The following PDXDC1 variants were observed in gnomAD, a reference collection of about 807,000 sequenced individuals.
PDXDC1 encodes the protein pyridoxal dependent decarboxylase domain containing 1.
PDXDC1 carries 42 observed loss-of-function variants against 100.1 expected under a neutral mutation model. That is an observed-to-expected ratio of 0.42 (90% confidence interval 0.33 to 0.54). The LOEUF is 0.54. Ranked by LOEUF, PDXDC1 falls within the 20% of genes least tolerant of loss-of-function variation. The pLI, the probability that PDXDC1 is intolerant of heterozygous loss-of-function variation, is 0.10. For synonymous variants in PDXDC1, 260 were observed against 371.7 expected (o/e 0.70, Z 3.46); for missense variants, 636 against 979.2 (o/e 0.65, Z 4.68).
In PDXDC1 at chr16:15,031,905, A is replaced by G; in HGVS notation, c.1570A>G (p.Arg524Gly). The G allele has an allele frequency of 6.2e-7, 1 of 1,602,050 alleles. No homozygotes were observed. Among genetic ancestry groups the G allele is most frequent in the Non-Finnish European group, 8.5e-7 (1 of 1,172,646 alleles). The change falls in exon 17 of 23, where the codon AGG becomes GGG. Residue 524 changes from arginine to glycine, a missense_variant and splice_region_variant. Transcript: ENST00000396410. The part of the protein sequence containing the change: ...DPNWSGIGVV[R>G]YEHANDDKSS... ...TAACTGGTCTGGAATAGGGGTTGTC[A>G]GGTAAAGTCTTGGCCTGCCGCTTGA...
intron 17 of PDXDC1, chr16:15,032,653 T>TAAA: frequency 3.7e-5 from 8 of 215,818 alleles, no homozygotes; most frequent in East Asian, 1.3e-4. Context: ...GACCCTGCTT[T>TAAA]AAAAAAAAAA....
intron 16 of PDXDC1, among the ~76,000 whole-genome samples, chr16:15,129,114 T>TA (rs1219359228): frequency 6.6e-6 from 1 of 151,714 alleles, no homozygotes; most frequent in East Asian, 2.0e-4. Context: ...CGACAGTTTT[T>TA]AAAAGTAGGT....
chr16:15,142,211 G>C (rs1262418251), downstream of PDXDC1, among the ~76,000 whole-genome samples: 1 of 152,112 alleles, frequency 6.6e-6, no homozygotes, highest in Non-Finnish European at 1.5e-5. Flanking sequence ...GCAGGGGTGG[G>C]GGCAGGTCAG....
intron 16 of PDXDC1, chr16:15,086,377 G>A: frequency 4.3e-6 from 7 of 1,613,664 alleles, no homozygotes; most frequent in Non-Finnish European, 5.9e-6. Context: ...ATATAATACT[G>A]ATAAGTTGCT....
intron 16 of PDXDC1, among the ~76,000 whole-genome samples, chr16:15,089,617 G>T (rs1227568610): frequency 6.6e-6 from 1 of 151,314 alleles, no homozygotes; most frequent in African/African-American, 2.4e-5. Flanking sequence ...TGGCTAACAT[G>T]GTGAAACCCC....
chr16:15,094,171 A>C lies in PDXDC1; in HGVS notation c.1400-44708A>C, dbSNP rs3204898. ...CAGTCCTCGACGCGCCCAGCTTCTT[A>C]ACTGCAGAGGACGAAGCGGCCGCAT... is the stretch of plus-strand genomic sequence containing the variant. On this transcript the variant is annotated intron_variant, in intron 16 of 16. Transcript: ENST00000535621. The C allele has an allele frequency of 3.1e-6, 5 of 1,602,510 alleles. No homozygotes were observed. In the South Asian group the frequency reaches 5.6e-5, roughly 18 times the overall value.
the PDXDC1 span, among the ~76,000 whole-genome samples, chr16:15,147,373 A>G: frequency 6.6e-6 from 1 of 152,206 alleles, no homozygotes; most frequent in Admixed American, 6.5e-5. Flanking sequence ...AATCATCACC[A>G]CGGCTTCTCA....
At chr16:14,996,734 G>C (rs1440802325) in intron 1 of PDXDC1, among the ~76,000 whole-genome samples, 5 of 152,278 alleles carry the variant, frequency 3.3e-5, no homozygotes, top group African/African-American at 9.6e-5. Context: ...GCGAGCACTT[G>C]TATTCCCAGG....
At chr16:15,058,021 G>A (rs2044585736) in intron 16 of PDXDC1, among the ~76,000 whole-genome samples, 1 of 152,192 alleles carries the variant, frequency 6.6e-6, no homozygotes, top group African/African-American at 2.4e-5. Context: ...GGAAGCAATA[G>A]CAGGTGTGTG....
intron 14 of PDXDC1, among the ~76,000 whole-genome samples, chr16:15,028,224 G>T (rs2042774785): frequency 6.6e-6 from 1 of 152,280 alleles, no homozygotes; most frequent in South Asian, 2.1e-4. Flanking sequence ...CCTACCGCAA[G>T]GGCTTAACAC....
intron 16 of PDXDC1, among the ~76,000 whole-genome samples, chr16:15,112,542 T>G (rs1006335738): frequency 6.0e-5 from 9 of 150,594 alleles, no homozygotes; most frequent in African/African-American, 2.2e-4. Flanking sequence ...TTCAAATTCT[T>G]TGTAGAATTT....
downstream of PDXDC1, among the ~76,000 whole-genome samples, chr16:15,142,668 C>T (rs946112920): frequency 6.6e-6 from 1 of 152,186 alleles, no homozygotes. Context: ...TACTTTTCCA[C>T]GTCTGCATCT....
rs568393550 is a variant in PDXDC1 at position 15,100,606 on chromosome 16, C to A, written c.1400-38273C>A. Among the ~76,000 whole-genome samples the A allele has an allele frequency of 1.1e-4, 17 of 152,278 alleles. No homozygotes were observed. The South Asian group carries it at 2.9e-3, about 26-fold the overall frequency. ...ATGACAGTAGCACTCCTCTCCTCCC[C>A]ACAGTAACATTCAAAAATATCTCCA... On this transcript the variant is annotated intron_variant, in intron 16 of 16. Transcript: ENST00000535621.
intron 16 of PDXDC1, among the ~76,000 whole-genome samples, chr16:15,089,850 T>A (rs150378517): frequency 7.0e-6 from 1 of 142,720 alleles, no homozygotes; most frequent in Admixed American, 7.1e-5. Context: ...TCAGAAACGC[T>A]GAAGTTTTAA....
intron 16 of PDXDC1, chr16:15,060,679 G>A (rs1290537407): frequency 6.6e-6 from 1 of 152,300 alleles, no homozygotes; most frequent in Non-Finnish European, 1.5e-5. Context: ...CCTCTGTTTA[G>A]TTATAAAAAT....
chr16:15,039,287 A>C (rs2043698567), downstream of PDXDC1, among the ~76,000 whole-genome samples: 1 of 152,196 alleles, frequency 6.6e-6, no homozygotes, highest in Non-Finnish European at 1.5e-5. Context: ...AGTCCTAAAA[A>C]TGTTAAAAGG....
Position 15,111,021 on chromosome 16 carries a change from C to T in PDXDC1, c.1400-27858C>T, listed in dbSNP as rs1258391033. ...GTGGGCGCCTGTAATCCGAGCTACTCGGGAGGCTGAGGCAGAGAACCGTTT... is the reference window on the plus strand; with the variant it reads ...GTGGGCGCCTGTAATCCGAGCTACTTGGGAGGCTGAGGCAGAGAACCGTTT... On this transcript the variant is annotated intron_variant, in intron 16 of 16. Coordinates refer to the PDXDC1 transcript ENST00000535621. 4.0e-5 allele frequency among the ~76,000 whole-genome samples: 6 copies of T among 148,398 alleles called. 1 individual carries two copies. Among genetic ancestry groups the T allele is most frequent in the East Asian group, 1.9e-4 (1 of 5,138 alleles).
intron 16 of PDXDC1, among the ~76,000 whole-genome samples, chr16:15,077,593 G>A (rs1277721271): frequency 2.0e-5 from 3 of 152,186 alleles, no homozygotes; most frequent in Non-Finnish European, 4.4e-5. Context: ...TGTAATCCGA[G>A]CTCTTTGGGA....
chr16:15,117,923 TA>T (rs1354005468), intron 16 of PDXDC1, among the ~76,000 whole-genome samples: 3 of 2,342 alleles, frequency 1.3e-3, no homozygotes, highest in Admixed American at 7.0e-3. Flanking sequence ...AGCATTGTGG[TA>T]TTAGTACTTT....
Sources: gnomAD v4.1 joint callset for allele counts (sites outside exome capture counted in the v4.1 genomes callset) on GRCh38, gnomAD v4.1.1 for gene constraint, MANE v1.5 for transcripts, NCBI Gene and HGNC (gene_info 2026-07-23, HGNC 2026-07-21) for gene names.